The following STK3 variants were observed in gnomAD, a reference collection of about 807,000 sequenced individuals.
STK3 encodes serine/threonine kinase 3, also known as serine/threonine-protein kinase 3.
STK3 carries 41 observed loss-of-function variants against 58.0 expected under a neutral mutation model. The ratio of observed to expected loss-of-function variants is 0.71; its 90% CI spans 0.55 to 0.92. The LOEUF (loss-of-function observed/expected upper bound fraction) is 0.92. Among genes scored for constraint, STK3 ranks in the 40% least tolerant of loss-of-function variants. The pLI, the probability that STK3 is intolerant of heterozygous loss-of-function variation, is 0.00. For missense variants in STK3, 479 were observed against 602.7 expected (o/e 0.79, Z 2.15); for synonymous variants, 170 against 191.0 (o/e 0.89, Z 0.91).
chr8:98,359,233 C>T, the STK3 span, among the ~76,000 whole-genome samples: 2 of 149,972 alleles, frequency 1.3e-5, no homozygotes, highest in East Asian at 4.0e-4. Flanking sequence ...GAGTGCCGGG[C>T]GCGGTGGCTC....
chr8:98,806,824 A>G (rs1833909731), intron 1 of STK3, among the ~76,000 whole-genome samples: 1 of 152,146 alleles, frequency 6.6e-6, no homozygotes, highest in South Asian at 2.1e-4. Flanking sequence ...AAAAAGTGAC[A>G]ACGCCAATTA....
At chr8:98,424,543 G>C (rs1470535157) in intron 3 of STK3, among the ~76,000 whole-genome samples, 1 of 152,162 alleles carries the variant, frequency 6.6e-6, no homozygotes, top group Non-Finnish European at 1.5e-5. Flanking sequence ...GGCAGAGCCT[G>C]GTCTGCAGGT....
chr8:98,622,979 A>C (rs187830225), intron 6 of STK3, among the ~76,000 whole-genome samples: 209 of 152,334 alleles, frequency 1.4e-3, no homozygotes, highest in African/African-American at 5.0e-3. Context: ...ATATTTACAT[A>C]CCGATAAAAG....
intron 3 of STK3, among the ~76,000 whole-genome samples, chr8:98,414,902 A>T (rs977190010): frequency 6.6e-6 from 1 of 152,202 alleles, no homozygotes; most frequent in Non-Finnish European, 1.5e-5. Flanking sequence ...CTGAATCATC[A>T]CTTGTAGGAG....
intron 6 of STK3, among the ~76,000 whole-genome samples, chr8:98,636,020 C>T (rs1424474590): frequency 1.3e-5 from 2 of 152,004 alleles, no homozygotes; most frequent in Non-Finnish European, 2.9e-5. Flanking sequence ...TAATACAACC[C>T]TTCCTAATAA....
chr8:98,676,718 T>C (rs1419725892), intron 6 of STK3, among the ~76,000 whole-genome samples: 1 of 152,210 alleles, frequency 6.6e-6, no homozygotes, highest in Non-Finnish European at 1.5e-5. Flanking sequence ...GTGACGGCTG[T>C]ACAACAGTGT....
intron 6 of STK3, among the ~76,000 whole-genome samples, chr8:98,672,260 G>A (rs977630293): frequency 6.6e-6 from 1 of 151,840 alleles, no homozygotes; most frequent in African/African-American, 2.4e-5. Context: ...CGGTGGGTGT[G>A]GGGGGTTAGG....
At chr8:98,810,442 T>G (rs1016796053) in intron 1 of STK3, among the ~76,000 whole-genome samples, 11 of 143,342 alleles carry the variant, frequency 7.7e-5, no homozygotes, top group South Asian at 2.2e-4. Flanking sequence ...TTTTCTGCTG[T>G]TTTTTTTTTT....
downstream of STK3, among the ~76,000 whole-genome samples, chr8:98,399,648 C>T (rs1413802761): frequency 6.6e-6 from 1 of 152,188 alleles, no homozygotes; most frequent in African/African-American, 2.4e-5. Flanking sequence ...TAGACGATCT[C>T]TGAGGTCTTT....
intron 1 of STK3, among the ~76,000 whole-genome samples, chr8:98,915,432 C>CTATACATATATATA (rs1839307013): frequency 1.1e-5 from 1 of 94,720 alleles, no homozygotes; most frequent in Admixed American, 1.2e-4. Context: ...ATAAACTTTC[C>CTATACATATATATA]TATATATATA....
In STK3 at chr8:98,570,055, G is replaced by T; in HGVS notation, c.948+9609C>A. On this transcript the variant is annotated intron_variant, in intron 8 of 10. Transcript: ENST00000419617. ...TATTAATAAAAATAAAAATATTAAA[G>T]AATATAAAAATATATATTGTAAAAA... Among the ~76,000 whole-genome samples, 3 of 146,752 alleles carry T rather than the reference G, an allele frequency of 2.0e-5. No individual in the cohort carries two copies. The South Asian group carries it at 6.4e-4, about 31-fold the overall frequency.
At chr8:98,659,098 T>C (rs1455828452) in intron 6 of STK3, among the ~76,000 whole-genome samples, 1 of 151,980 alleles carries the variant, frequency 6.6e-6, no homozygotes, top group East Asian at 1.9e-4. Flanking sequence ...ATTATCTAGG[T>C]TTGTATAAGT....
intron 1 of STK3, among the ~76,000 whole-genome samples, chr8:98,885,739 T>C (rs1379460266): frequency 6.6e-6 from 1 of 152,084 alleles, no homozygotes; most frequent in Non-Finnish European, 1.5e-5. Context: ...CGCAGCAGGC[T>C]GATTTCGGTT....
intron 1 of STK3, among the ~76,000 whole-genome samples, chr8:98,890,873 C>G (rs1434632177): frequency 1.3e-5 from 2 of 152,296 alleles, no homozygotes; most frequent in East Asian, 3.9e-4. Context: ...TCTAAAACAC[C>G]AGTCAGCTTG....
At chr8:98,714,475 T>G (rs1297325483) in intron 4 of STK3, among the ~76,000 whole-genome samples, 1 of 152,160 alleles carries the variant, frequency 6.6e-6, no homozygotes, top group African/African-American at 2.4e-5. Flanking sequence ...ATAAGCATTT[T>G]TATACACCAA....
chr8:98,542,094 C>T (rs780470296), intron 9 of STK3, among the ~76,000 whole-genome samples: 1 of 152,152 alleles, frequency 6.6e-6, no homozygotes, highest in South Asian at 2.1e-4. Context: ...TTTATAGGAT[C>T]CTTGTGAGGA....
intron 1 of STK3, among the ~76,000 whole-genome samples, chr8:98,783,154 C>A (rs552417856): frequency 6.6e-6 from 1 of 152,140 alleles, no homozygotes; most frequent in East Asian, 1.9e-4. Context: ...AGGTTCAGTT[C>A]CATACCGCAA....
upstream of STK3, among the ~76,000 whole-genome samples, chr8:98,829,938 G>A (rs755297408): frequency 6.6e-6 from 1 of 152,092 alleles, no homozygotes; most frequent in Non-Finnish European, 1.5e-5. Flanking sequence ...TAAAGTGGAG[G>A]GGAAGAGGCC....
intron 1 of STK3, among the ~76,000 whole-genome samples, chr8:98,798,032 A>C (rs1363365086): frequency 2.6e-5 from 4 of 152,226 alleles, no homozygotes; most frequent in African/African-American, 9.6e-5. Flanking sequence ...AAAAATTGAC[A>C]ATTGTGCCTT....
Sources: gnomAD v4.1 joint callset for allele counts (sites outside exome capture counted in the v4.1 genomes callset) on GRCh38, gnomAD v4.1.1 for gene constraint, MANE v1.5 for transcripts, NCBI Gene and HGNC (gene_info 2026-07-23, HGNC 2026-07-21) for gene names.